Variants in C13orf46 observed in about 807,000 individuals in gnomAD.
The protein encoded by C13orf46 is uncharacterized protein C13orf46.
intron 4 of C13orf46, among the ~76,000 whole-genome samples, chr13:113,968,077 G>A (rs1157350454): frequency 6.6e-6 from 1 of 152,310 alleles, no homozygotes; most frequent in East Asian, 1.9e-4. Context: ...ACAGCTTGGA[G>A]GGAGAACAAA....
At chr13:113,938,245 T>C in the C13orf46 span, among the ~76,000 whole-genome samples, 3 of 152,222 alleles carry the variant, frequency 2.0e-5, no homozygotes, top group Non-Finnish European at 4.4e-5. Context: ...AGTGAGTCTA[T>C]GAGGTTCCTA....
At chr13:113,948,656 C>A in the C13orf46 span, among the ~76,000 whole-genome samples, 1 of 152,226 alleles carries the variant, frequency 6.6e-6, no homozygotes, top group South Asian at 2.1e-4. Flanking sequence ...TCACGCTGAA[C>A]CTCACACGTT....
Position 113,953,781 on chromosome 13 carries a change from A to C in C13orf46, c.*2992T>G, listed in dbSNP as rs1468078996. 6.6e-6 allele frequency: 1 copy of C among 152,196 alleles called. No individual in the cohort carries two copies. Among genetic ancestry groups the C allele is most frequent in the Non-Finnish European group, 1.5e-5 (1 of 68,050 alleles). 9.4% of individuals were successfully genotyped at this position (152,196 alleles called of 1,614,324 possible). A position where few individuals can be genotyped will look rare whatever the true frequency, so the allele number is the denominator to read the frequency against. On this transcript the variant is annotated 3_prime_UTR_variant, in exon 7 of 7. Coordinates refer to ENST00000636427, the MANE Select transcript of C13orf46 (RefSeq NM_001365455.2). ...CGGCAGAGCTGCCGCCTCCTGCCCCACCAAGGGGACAAACCAACCGTATTT... is the reference window on the plus strand; with the variant it reads ...CGGCAGAGCTGCCGCCTCCTGCCCCCCCAAGGGGACAAACCAACCGTATTT...
In C13orf46 at chr13:113,970,641, C is replaced by G. The variant is rs117671586; in HGVS notation, c.191-419G>C. ...GACCTGCCCATGCCGGCTACTACCC[C>G]CAACCCAGGCTTCCTCTCACGGACA... On this transcript the variant is annotated intron_variant, in intron 1 of 6. Transcript: ENST00000636427. 4.5e-3 allele frequency among the ~76,000 whole-genome samples: 683 copies of G among 152,348 alleles called. 15 individuals are homozygous for G. The East Asian group carries it at 0.066, about 15-fold the overall frequency.
the C13orf46 span, among the ~76,000 whole-genome samples, chr13:113,940,254 C>G: frequency 6.6e-6 from 1 of 152,252 alleles, no homozygotes; most frequent in Non-Finnish European, 1.5e-5. Flanking sequence ...GAGGCCAGAG[C>G]CAGGTGGGCT....
At chr13:113,943,054 G>A in the C13orf46 span, among the ~76,000 whole-genome samples, 6 of 152,304 alleles carry the variant, frequency 3.9e-5, no homozygotes, top group South Asian at 6.2e-4. Context: ...ACTGAGGCTC[G>A]GCTCCATTTC....
chr13:113,965,655 G>T (rs1233353544), intron 5 of C13orf46, among the ~76,000 whole-genome samples: 1 of 150,682 alleles, frequency 6.6e-6, no homozygotes. Context: ...TTGTGACAAT[G>T]ATGATGGTGA....
Position 113,954,468 on chromosome 13 carries a change from G to C in C13orf46, c.*2305C>G, listed in dbSNP as rs2052505257. The C allele has an allele frequency of 6.6e-6, 1 of 152,270 alleles. No individual in the cohort carries two copies. The highest frequency in any genetic ancestry group is 6.5e-5 in the Admixed American group (1 of 15,276). 9.4% of individuals were successfully genotyped at this position (152,270 alleles called of 1,614,324 possible). On this transcript the variant is annotated 3_prime_UTR_variant, in exon 7 of 7. Transcript: ENST00000636427. ...AGACTCCCTCTCCTCCTCTGAGTGGGGAGCATGTGGCTTCCCTCCAGGGAC... is the reference window on the plus strand; with the variant it reads ...AGACTCCCTCTCCTCCTCTGAGTGGCGAGCATGTGGCTTCCCTCCAGGGAC...
chr13:113,942,449 C>A, the C13orf46 span, among the ~76,000 whole-genome samples: 127 of 152,270 alleles, frequency 8.3e-4, no homozygotes, highest in African/African-American at 2.9e-3. Context: ...ACGATTATCC[C>A]CTACAGAGGA....
downstream of C13orf46, among the ~76,000 whole-genome samples, chr13:113,952,483 G>T (rs2052493330): frequency 1.3e-5 from 2 of 152,302 alleles, no homozygotes; most frequent in African/African-American, 4.8e-5. Flanking sequence ...GTGGGGCTGG[G>T]CCATCTCCCC....
At chr13:113,956,870 G>C (rs1288782728) in intron 6 of C13orf46, 31 bp from the exon 7 acceptor site, 2 of 152,382 alleles carry the variant, frequency 1.3e-5, no homozygotes, top group Non-Finnish European at 2.9e-5. Context: ...AGGTGGGTGA[G>C]AAAGGGTCCT....
the C13orf46 span, among the ~76,000 whole-genome samples, chr13:113,935,408 G>A: frequency 2.6e-5 from 4 of 152,252 alleles, no homozygotes. Context: ...TTTGCTTCCG[G>A]CTGTGAAGCG....
At chr13:113,964,726 C>T (rs1325401673) in intron 6 of C13orf46, among the ~76,000 whole-genome samples, 1 of 152,168 alleles carries the variant, frequency 6.6e-6, no homozygotes, top group Non-Finnish European at 1.5e-5. Flanking sequence ...CTGAGCCCTT[C>T]GAAGGTCCGA....
the C13orf46 span, among the ~76,000 whole-genome samples, chr13:113,944,286 C>T: frequency 3.3e-5 from 5 of 152,272 alleles, no homozygotes; most frequent in East Asian, 5.8e-4. Flanking sequence ...ACCTCACTGC[C>T]GGGACCCCCT....
At chr13:113,947,082 C>T in the C13orf46 span, among the ~76,000 whole-genome samples, 2 of 152,256 alleles carry the variant, frequency 1.3e-5, no homozygotes, top group Non-Finnish European at 2.9e-5. Flanking sequence ...GTCAGCCTGG[C>T]AGCACTACAG....
intron 1 of C13orf46, among the ~76,000 whole-genome samples, chr13:113,972,527 C>T (rs1002766014): frequency 8.5e-5 from 13 of 152,148 alleles, no homozygotes; most frequent in African/African-American, 2.7e-4. Context: ...CTCGCAGCTC[C>T]GTGTCAGCCC....
At chr13:113,945,008 C>T in the C13orf46 span, among the ~76,000 whole-genome samples, 1 of 132,558 alleles carries the variant, frequency 7.5e-6, no homozygotes, top group African/African-American at 2.9e-5. Context: ...GTGACAAGTC[C>T]TCCAGGTGTG....
the C13orf46 span, among the ~76,000 whole-genome samples, chr13:113,937,385 G>A: frequency 5.8e-4 from 88 of 152,278 alleles, no homozygotes; most frequent in African/African-American, 2.1e-3. Flanking sequence ...CCGTAAACCC[G>A]CACAGGTTAG....
the C13orf46 span, among the ~76,000 whole-genome samples, chr13:113,943,763 T>C: frequency 5.3e-5 from 8 of 152,334 alleles, no homozygotes; most frequent in Non-Finnish European, 1.0e-4. Context: ...GTGTCAGGCA[T>C]GGCCCCTTGC....
Sources: gnomAD v4.1 joint callset for allele counts (sites outside exome capture counted in the v4.1 genomes callset) on GRCh38, gnomAD v4.1.1 for gene constraint, MANE v1.5 for transcripts, NCBI Gene and HGNC (gene_info 2026-07-23, HGNC 2026-07-21) for gene names.